Variants in EXOC2 observed in about 807,000 individuals in gnomAD.
EXOC2 encodes SEC5-like 1.
EXOC2 carries 70 observed loss-of-function variants against 131.8 expected under a neutral mutation model. The ratio of observed to expected loss-of-function variants is 0.53; its 90% CI spans 0.44 to 0.65. The LOEUF (loss-of-function observed/expected upper bound fraction) is 0.65. Among genes scored for constraint, EXOC2 ranks in the 30% least tolerant of loss-of-function variants. The pLI is 0.00. For synonymous variants in EXOC2, 411 were observed against 398.4 expected (o/e 1.03, Z -0.38); for missense variants, 923 against 1,108.6 (o/e 0.83, Z 2.38).
intron 1 of EXOC2, among the ~76,000 whole-genome samples, chr6:640,357 C>T (rs1762299170): frequency 6.6e-6 from 1 of 152,106 alleles, no homozygotes; most frequent in African/African-American, 2.4e-5. Flanking sequence ...TGACCCCCAA[C>T]ATTGGACAGC....
At chr6:641,381 A>T (rs1762346435) in intron 1 of EXOC2, among the ~76,000 whole-genome samples, 1 of 152,124 alleles carries the variant, frequency 6.6e-6, no homozygotes, top group Non-Finnish European at 1.5e-5. Flanking sequence ...GTTATTCATG[A>T]TCCTCTCAAA....
At chr6:536,484 A>G (rs887110704) in intron 22 of EXOC2, among the ~76,000 whole-genome samples, 2 of 152,202 alleles carry the variant, frequency 1.3e-5, no homozygotes, top group African/African-American at 4.8e-5. Context: ...AGGATCATCA[A>G]TATTGGTAAT....
chr6:502,011 G>A (rs1764238152), intron 23 of EXOC2, among the ~76,000 whole-genome samples: 1 of 152,084 alleles, frequency 6.6e-6, no homozygotes, highest in African/African-American at 2.4e-5. Context: ...GACTGCTCCC[G>A]CTGCTGTGGG....
At chr6:572,731 C>T in intron 12 of EXOC2, 87 bp from the exon 13 acceptor site, 2 of 1,480,390 alleles carry the variant, frequency 1.4e-6, no homozygotes, top group South Asian at 2.6e-5. Context: ...CCCTCCACTC[C>T]CGCAAAACTC....
intron 23 of EXOC2, among the ~76,000 whole-genome samples, chr6:503,094 T>C (rs1461501708): frequency 6.6e-6 from 1 of 152,150 alleles, no homozygotes; most frequent in Non-Finnish European, 1.5e-5. Flanking sequence ...ACAAAAACTT[T>C]AATATAAAAA....
rs1312641302 is a variant in EXOC2, at chr6:666,867, CT to C, written c.-44+26151del. On this transcript the variant is annotated intron_variant, in intron 1 of 27. Coordinates refer to ENST00000230449, the MANE Select transcript of EXOC2 (RefSeq NM_018303.6). ...CTTCTCTTAGCATGGCAATTATGTT[CT>C]TTTTTTTTTAATTTTTTTTTCAGTG... is the stretch of plus-strand genomic sequence containing the variant. Among the ~76,000 whole-genome samples, 26 of 89,794 alleles carry C rather than the reference CT, an allele frequency of 2.9e-4. 6 individuals carry two copies. Among genetic ancestry groups the C allele is most frequent in the African/African-American group, 7.2e-4 (22 of 30,516 alleles). The allele number at this position is 89,794 out of a possible 152,430, so 58.9% of individuals were successfully genotyped here. A position where few individuals can be genotyped will look rare whatever the true frequency, so the allele number is the denominator to read the frequency against.
At chr6:594,247 G>C (rs1340958220) in intron 10 of EXOC2, among the ~76,000 whole-genome samples, 1 of 152,184 alleles carries the variant, frequency 6.6e-6, no homozygotes, top group African/African-American at 2.4e-5. Context: ...ATTCCAAAAT[G>C]CAGTCTGATT....
intron 27 of EXOC2, among the ~76,000 whole-genome samples, chr6:487,469 C>T (rs940620850): frequency 3.9e-5 from 6 of 152,142 alleles, no homozygotes; most frequent in South Asian, 4.2e-4. Flanking sequence ...TGCAGTGGCG[C>T]GATTTCGGCT....
In EXOC2 at chr6:488,982, T is replaced by C. The variant is rs771445581; in HGVS notation, c.2678A>G (p.Lys893Arg). The C allele has an allele frequency of 6.2e-7, 1 of 1,614,010 alleles. No homozygotes were observed. Among genetic ancestry groups the C allele is most frequent in the South Asian group, 1.1e-5 (1 of 91,032 alleles). The change falls in exon 27 of 28, where the codon AAA becomes AGA. Residue 893 changes from lysine to arginine, a missense_variant. Transcript: ENST00000230449. ...AAGAACAGCACACAGGACTTACTTT[T>C]TATCTGCTCCACTGGAAAGCTGGGG... is the stretch of plus-strand genomic sequence containing the variant. ...ALPQLSSGAD[K>R]KLLEELLNKF... is the part of the protein sequence containing the mutation.
chr6:582,786 CA>C (rs1422111166), intron 11 of EXOC2, among the ~76,000 whole-genome samples: 1 of 151,980 alleles, frequency 6.6e-6, no homozygotes, highest in Non-Finnish European at 1.5e-5. Context: ...AAAGTCCTGA[CA>C]GGGGCATTTC....
chr6:519,071 AT>A (rs1274338274), intron 23 of EXOC2, among the ~76,000 whole-genome samples: 18 of 152,208 alleles, frequency 1.2e-4, no homozygotes, highest in Admixed American at 3.9e-4. Context: ...CAGGGAAACC[AT>A]CACCCACCGA....
At chr6:640,306 G>T (rs1762296650) in intron 1 of EXOC2, among the ~76,000 whole-genome samples, 1 of 152,144 alleles carries the variant, frequency 6.6e-6, no homozygotes, top group Non-Finnish European at 1.5e-5. Flanking sequence ...TGCTTCCTTA[G>T]CGCAGAATGT....
intron 22 of EXOC2, among the ~76,000 whole-genome samples, chr6:538,225 G>A (rs1486665817): frequency 6.6e-6 from 1 of 152,214 alleles, no homozygotes; most frequent in Non-Finnish European, 1.5e-5. Flanking sequence ...GATTTAAACA[G>A]ATAATTCAGG....
rs867704140 is a variant in EXOC2, at chr6:556,361, C to A, written c.1932+123G>T. The A allele has an allele frequency of 4.9e-6, 5 of 1,030,140 alleles. No individual in the cohort carries two copies. The African/African-American group carries it at 6.4e-5, about 13-fold the overall frequency. The allele number at this position is 1,030,140 out of a possible 1,614,324, so 63.8% of individuals were successfully genotyped here. On this transcript the variant is annotated intron_variant, in intron 18 of 27. Coordinates refer to ENST00000230449, the MANE Select transcript of EXOC2 (RefSeq NM_018303.6). ...AAATCAGCACATCTACGCAGTTAAA[C>A]TAAATGGAACAAGCAGGCGAAGAGG...
intron 13 of EXOC2, among the ~76,000 whole-genome samples, chr6:565,641 T>C (rs944341800): frequency 3.3e-5 from 5 of 152,168 alleles, no homozygotes; most frequent in African/African-American, 1.2e-4. Context: ...TTAACAAAAT[T>C]ATACAATGTA....
At chr6:550,926 CTT>C (rs1038141201) in intron 21 of EXOC2, among the ~76,000 whole-genome samples, 24 of 152,178 alleles carry the variant, frequency 1.6e-4, no homozygotes, top group South Asian at 4.1e-4. Flanking sequence ...TGTAAATTCT[CTT>C]TGTTTTTCTC....
chr6:685,126 A>AC (rs1764584647), intron 1 of EXOC2, among the ~76,000 whole-genome samples: 1 of 134,612 alleles, frequency 7.4e-6, no homozygotes, highest in Non-Finnish European at 1.6e-5. Flanking sequence ...AATCATTTGA[A>AC]AACACACACA....
At chr6:673,063 C>A (rs1442932333) in intron 1 of EXOC2, among the ~76,000 whole-genome samples, 4 of 151,764 alleles carry the variant, frequency 2.6e-5, no homozygotes, top group Non-Finnish European at 4.4e-5. Context: ...AGTTTGAGAC[C>A]ACCCTGGCCA....
chr6:564,514 C>G (rs754288507), intron 15 of EXOC2, 31 bp downstream of exon 15: 1 of 1,612,384 alleles, frequency 6.2e-7, no homozygotes, highest in Non-Finnish European at 8.5e-7. Flanking sequence ...AACAGAAGTA[C>G]GCCTTTCTCT....
Sources: gnomAD v4.1 joint callset for allele counts (sites outside exome capture counted in the v4.1 genomes callset) on GRCh38, gnomAD v4.1.1 for gene constraint, MANE v1.5 for transcripts, NCBI Gene and HGNC (gene_info 2026-07-23, HGNC 2026-07-21) for gene names.